GTPBP8: variants seen among roughly 807,000 people sequenced by gnomAD.
The protein encoded by GTPBP8 is GTP-binding protein 8.
Under a neutral mutation model 27.3 loss-of-function variants are expected in GTPBP8, and 21 were observed. That is an observed-to-expected ratio of 0.77 (90% CI 0.55 to 1.11). GTPBP8 has a LOEUF of 1.11. Ranked by LOEUF, GTPBP8 falls within the 50% of genes least tolerant of loss-of-function variation. GTPBP8 has a pLI of 0.00. For missense variants in GTPBP8, 380 were observed against 350.8 expected, an observed-to-expected ratio of 1.08 and a Z score of -0.67; for synonymous variants, 147 against 135.3, an observed-to-expected ratio of 1.09 and a Z score of -0.60.
intron 2 of GTPBP8, among the ~76,000 whole-genome samples, chr3:112,993,408 C>T (rs1488610091): frequency 6.6e-6 from 1 of 152,074 alleles, no homozygotes; most frequent in Non-Finnish European, 1.5e-5. Flanking sequence ...TTCTATATTT[C>T]CTCCTATAAC....
chr3:112,992,893 T>G, intron 1 of GTPBP8, 133 bp from the exon 2 acceptor site: 1 of 545,002 alleles, frequency 1.8e-6, no homozygotes. Flanking sequence ...ATATGCTGAA[T>G]GCTTAAAATA....
intron 3 of GTPBP8, among the ~76,000 whole-genome samples, chr3:112,996,627 A>C (rs1463064835): frequency 2.0e-5 from 3 of 152,214 alleles, no homozygotes; most frequent in Non-Finnish European, 4.4e-5. Context: ...ATCAAGTCCC[A>C]GGCAGAATGT....
intron 4 of GTPBP8, among the ~76,000 whole-genome samples, chr3:112,998,238 C>T (rs920120202): frequency 6.6e-6 from 1 of 152,102 alleles, no homozygotes; most frequent in Non-Finnish European, 1.5e-5. Flanking sequence ...GTCCCCAAGA[C>T]GACTCCTCCC....
In GTPBP8 at chr3:112,991,297, G is replaced by A; in HGVS notation, c.298G>A (p.Val100Ile). 1.2e-6 allele frequency: 2 copies of A among 1,613,718 alleles called. No homozygotes were observed. The highest frequency in any genetic ancestry group is 1.7e-6 in the Non-Finnish European group (2 of 1,180,042). Residue 100 changes from valine to isoleucine, a missense_variant, in exon 1 of 6, where the codon GTC (valine) becomes ATC (isoleucine). Physicochemically the swap from Val to Ile is conservative, Grantham distance 29. Transcript: ENST00000383678. ...RNRIDYVSSA[V>I]RIDHAPDLPR... ...CCGCATCGACTACGTCAGCTCCGCCGTCCGTATCGACCACGCCCCGGACCT... is the reference window on the plus strand; with the variant it reads ...CCGCATCGACTACGTCAGCTCCGCCATCCGTATCGACCACGCCCCGGACCT...
intron 3 of GTPBP8, 64 bp from the exon 4 acceptor site, chr3:112,996,828 A>G: frequency 1.3e-6 from 1 of 764,914 alleles, no homozygotes; most frequent in South Asian, 1.4e-5. Flanking sequence ...ACAGTAAGGA[A>G]GAGGGGATAA....
chr3:112,991,119 G>A lies in GTPBP8; in HGVS notation c.120G>A (p.Pro40=), dbSNP rs772724220. The stretch of plus-strand genomic sequence containing the variant: ...CTTTTGCTGAGGTGCTGCGGCTGCC[G>A]AAGCAGCAGCTGAGGAAGCTGCTGT... ...SQAFAEVLRL[P]KQQLRKLLYP... Residue 40 remains proline (P), a synonymous_variant, in exon 1 of 6, where the codon CCG becomes CCA. Transcript: ENST00000383678. The A allele has an allele frequency of 6.8e-6, 11 of 1,613,414 alleles. No homozygotes were observed. Among genetic ancestry groups the A allele is most frequent in the African/African-American group, 5.3e-5 (4 of 74,936 alleles).
chr3:112,995,207 T>C lies in GTPBP8; in HGVS notation c.508T>C (p.Phe170Leu). The change falls in exon 3 of 6, where the codon TTT becomes CTT. Residue 170 changes from phenylalanine to leucine, a missense_variant. Phe to Leu is a conservative substitution (Grantham distance 22). Transcript: ENST00000383678. ...FTVVDMPGYG[F>L]RAPEDFVDMV... ...AGTGGTGGACATGCCAGGTTATGGC[T>C]TTAGAGCACCTGAAGATTTTGTTGA... 2.5e-6 allele frequency: 4 copies of C among 1,608,974 alleles called. No homozygotes were observed. The highest frequency in any genetic ancestry group is 1.7e-6 in the Non-Finnish European group (2 of 1,176,024).
rs1055217739 is a variant in GTPBP8 at position 113,001,585 on chromosome 3, G to A, written c.*666G>A. The A allele has an allele frequency of 1.3e-5, 2 of 152,230 alleles. No individual in the cohort carries two copies. Among genetic ancestry groups the A allele is most frequent in the East Asian group, 3.9e-4 (2 of 5,180 alleles). The allele number at this position is 152,230 out of a possible 1,614,324, so 9.4% of individuals were successfully genotyped here. On this transcript the variant is annotated 3_prime_UTR_variant, in exon 6 of 6. Coordinates refer to ENST00000383678, the MANE Select transcript of GTPBP8 (RefSeq NM_014170.4). ...ATTCAAATGAATGGTTTTACAGCAGGTAACATGTGAGAAGACAGCTACATA... is the reference window on the plus strand; with the variant it reads ...ATTCAAATGAATGGTTTTACAGCAGATAACATGTGAGAAGACAGCTACATA...
Position 112,991,271 on chromosome 3 carries a change from A to ACCGCATCGACTACGTCAGCTCCGCCGT in GTPBP8, c.276_302dup (p.Tyr95_Asp103dup). On this transcript the variant is annotated inframe_insertion, in exon 1 of 6. Coordinates refer to ENST00000383678, the MANE Select transcript of GTPBP8 (RefSeq NM_014170.4). The stretch of plus-strand genomic sequence containing the variant: ...AACATCTTCACGGCCACTGAACGGA[A>ACCGCATCGACTACGTCAGCTCCGCCGT]CCGCATCGACTACGTCAGCTCCGCC... The ACCGCATCGACTACGTCAGCTCCGCCGT allele has an allele frequency of 1.2e-6, 2 of 1,613,742 alleles. No homozygotes were observed. Among genetic ancestry groups the ACCGCATCGACTACGTCAGCTCCGCCGT allele is most frequent in the Non-Finnish European group, 1.7e-6 (2 of 1,180,010 alleles).
In GTPBP8 at chr3:112,991,254, C is replaced by T. The variant is rs149501400; in HGVS notation, c.255C>T (p.Phe85=). Residue 85 remains phenylalanine, a synonymous_variant, in exon 1 of 6, where the codon TTC becomes TTT. Coordinates refer to ENST00000383678, the MANE Select transcript of GTPBP8 (RefSeq NM_014170.4). The stretch of plus-strand genomic sequence containing the variant: ...ACATAGCCAGGGCGGACAACATCTT[C>T]ACGGCCACTGAACGGAACCGCATCG... ...PEDIARADNI[F]TATERNRIDY... The T allele has an allele frequency of 7.9e-5, 128 of 1,613,928 alleles. No individual in the cohort carries two copies. Among genetic ancestry groups the T allele is most frequent in the Admixed American group, 2.7e-4 (16 of 60,010 alleles).
intron 1 of GTPBP8, chr3:112,992,165 T>C (rs1933695449): frequency 6.6e-6 from 1 of 152,310 alleles, no homozygotes; most frequent in Admixed American, 6.5e-5. Context: ...TTGTAATTCG[T>C]TTTTAAAATT....
Position 113,001,966 on chromosome 3 carries a change from C to T in GTPBP8, c.*1047C>T, listed in dbSNP as rs1933924163. 1 of 152,086 alleles carries T rather than the reference C, an allele frequency of 6.6e-6. No homozygotes were observed. Among genetic ancestry groups the T allele is most frequent in the Non-Finnish European group, 1.5e-5 (1 of 68,002 alleles). The allele number at this position is 152,086 out of a possible 1,614,324, so 9.4% of individuals were successfully genotyped here. ...CTGGATAACAAATTAAAGCTATAAA[C>T]CAACTTCGTGGCTTTTCTTTAGAAA... On this transcript the variant is annotated 3_prime_UTR_variant, in exon 6 of 6. Coordinates refer to ENST00000383678, the MANE Select transcript of GTPBP8 (RefSeq NM_014170.4).
rs1201754484 is a variant in GTPBP8 at position 112,996,264 on chromosome 3, G to A, written c.567-628G>A. Among the ~76,000 whole-genome samples the A allele has an allele frequency of 2.6e-5, 4 of 151,736 alleles. No individual in the cohort carries two copies. In the East Asian group the frequency reaches 7.8e-4, roughly 29 times the overall value. The stretch of plus-strand genomic sequence containing the variant: ...ACTTGAGGTCAGGAGTTCGAGACCA[G>A]CCTGGCAACATGGCAAAACCTCAAC... On this transcript the variant is annotated intron_variant, in intron 3 of 5. Transcript: ENST00000383678.
rs770376905 is a variant in GTPBP8 at position 112,991,022 on chromosome 3, T to G, written c.23T>G (p.Leu8Arg). The G allele has an allele frequency of 1.0e-5, 16 of 1,596,948 alleles. No homozygotes were observed. The East Asian group carries it at 3.6e-4, about 36-fold the overall frequency. The change falls in exon 1 of 6, where the codon CTG becomes CGG. Residue 8 changes from leucine to arginine, a missense_variant. Leu to Arg is a moderately radical substitution (Grantham distance 102). Coordinates refer to ENST00000383678, the MANE Select transcript of GTPBP8 (RefSeq NM_014170.4). The part of the protein sequence containing the change: MAAPGLR[L>R]GAGRLFEMPA... ...AGAATGGCGGCGCCCGGGCTGCGGCTGGGAGCGGGAAGACTCTTTGAAATG... is the reference window on the plus strand; with the variant it reads ...AGAATGGCGGCGCCCGGGCTGCGGCGGGGAGCGGGAAGACTCTTTGAAATG...
Position 112,991,177 on chromosome 3 carries a change from C to T in GTPBP8, c.178C>T (p.Pro60Ser), listed in dbSNP as rs780514130. ...PLQEVERFLA[P>S]YGRQDLHLRI... ...GCAGGAAGTAGAGCGGTTCCTCGCCCCCTACGGGAGGCAAGACCTTCACCT... is the reference window on the plus strand; with the variant it reads ...GCAGGAAGTAGAGCGGTTCCTCGCCTCCTACGGGAGGCAAGACCTTCACCT... Residue 60 changes from proline (P) to serine (S), a missense_variant, in exon 1 of 6, where the codon CCC becomes TCC. Transcript: ENST00000383678. The T allele has an allele frequency of 5.0e-6, 8 of 1,614,134 alleles. No individual in the cohort carries two copies. In the South Asian group the frequency reaches 8.8e-5, roughly 18 times the overall value.
At chr3:112,993,192 G>A in intron 2 of GTPBP8, 68 bp downstream of exon 2, 1 of 803,086 alleles carries the variant, frequency 1.2e-6, no homozygotes, top group Non-Finnish European at 2.1e-6. Flanking sequence ...ATAAATGCTG[G>A]AAGGTATAAG....
intron 3 of GTPBP8, 119 bp downstream of exon 3, chr3:112,995,384 T>C: frequency 1.6e-6 from 1 of 612,278 alleles, no homozygotes; most frequent in Non-Finnish European, 2.8e-6. Flanking sequence ...TTTTATAAGG[T>C]CCATTTTATT....
At chr3:112,998,942 A>G (rs1933839367) in intron 4 of GTPBP8, among the ~76,000 whole-genome samples, 1 of 152,202 alleles carries the variant, frequency 6.6e-6, no homozygotes, top group Admixed American at 6.5e-5. Context: ...TTTCTGCACT[A>G]TGTTACTTGT....
intron 5 of GTPBP8, 43 bp downstream of exon 5, chr3:112,999,607 T>C (rs748177217): frequency 1.3e-6 from 1 of 791,588 alleles, no homozygotes; most frequent in Non-Finnish European, 2.1e-6. Flanking sequence ...TATGAAGTAA[T>C]CTTGAGAATG....
Sources: gnomAD v4.1 joint callset for allele counts (sites outside exome capture counted in the v4.1 genomes callset) on GRCh38, gnomAD v4.1.1 for gene constraint, MANE v1.5 for transcripts, NCBI Gene and HGNC (gene_info 2026-07-23, HGNC 2026-07-21) for gene names.